Variants in PKD2L2 observed in about 807,000 individuals in gnomAD.
PKD2L2 encodes the protein polycystin 2 like 2, transient receptor potential cation channel, also known as polycystin-2-like protein 2.
Under a neutral mutation model 83.9 loss-of-function variants are expected in PKD2L2, and 67 were observed. The ratio of observed to expected loss-of-function variants is 0.80; its 90% CI spans 0.66 to 0.98. The LOEUF is 0.98. Among genes scored for constraint, PKD2L2 ranks in the 50% least tolerant of loss-of-function variants. The probability of loss-of-function intolerance (pLI) is 0.00; values close to 1 mark genes in which losing one functional copy is unlikely to be tolerated. For missense variants in PKD2L2, 632 were observed against 717.2 expected (o/e 0.88, Z 1.36); for synonymous variants, 223 against 237.8 (o/e 0.94, Z 0.57).
chr5:137,913,332 T>C (rs528071379), intron 8 of PKD2L2, among the ~76,000 whole-genome samples: 29 of 150,762 alleles, frequency 1.9e-4, no homozygotes, highest in African/African-American at 6.6e-4. Context: ...TACAGGTGCA[T>C]GCCACCACAC....
At chr5:137,899,764 A>T in intron 5 of PKD2L2, 27 bp downstream of exon 5, 1 of 1,364,452 alleles carries the variant, frequency 7.3e-7, no homozygotes, top group Non-Finnish European at 1.0e-6. Context: ...TTTTTTTCAT[A>T]GACAGTGGTC....
intron 8 of PKD2L2, among the ~76,000 whole-genome samples, chr5:137,915,316 G>C (rs1758225315): frequency 6.6e-6 from 1 of 152,122 alleles, no homozygotes; most frequent in South Asian, 2.1e-4. Context: ...TTGAAGATTG[G>C]CATTAATTCT....
chr5:137,942,682 G>T lies in PKD2L2; in HGVS notation c.*316G>T. ...CTGGCTAGATTTTTTTTTAATTTTT[G>T]AAATACAGTAATGTTTTATTTAAAA... is the stretch of plus-strand genomic sequence containing the variant. On this transcript the variant is annotated 3_prime_UTR_variant, in exon 15 of 15. Transcript: ENST00000508883. 1.8e-6 allele frequency: 1 copy of T among 554,002 alleles called. No homozygotes were observed. The highest frequency in any genetic ancestry group is 3.0e-6 in the Non-Finnish European group (1 of 331,894). The allele number at this position is 554,002 out of a possible 1,614,324, so 34.3% of individuals were successfully genotyped here.
intron 8 of PKD2L2, among the ~76,000 whole-genome samples, chr5:137,916,662 T>A (rs556212706): frequency 6.6e-6 from 1 of 151,962 alleles, no homozygotes; most frequent in African/African-American, 2.4e-5. Context: ...GTATTTTTAG[T>A]AGAGGCGGGG....
Position 137,921,631 on chromosome 5 carries a change from T to TA in PKD2L2, c.1329-2dup. ...TATATTTTCTACTGTTTTTCTTTCT[T>TA]AAAGATTTGCACAATTTCGAATTGT... On this transcript the variant is annotated splice_polypyrimidine_tract_variant and splice_region_variant and intron_variant, in intron 8 of 14. Coordinates refer to ENST00000508883, the MANE Select transcript of PKD2L2 (RefSeq NM_001300921.2). 1 of 1,569,330 alleles carries TA rather than the reference T, an allele frequency of 6.4e-7. No homozygotes were observed. Among genetic ancestry groups the TA allele is most frequent in the Non-Finnish European group, 8.7e-7 (1 of 1,148,440 alleles).
intron 8 of PKD2L2, among the ~76,000 whole-genome samples, chr5:137,920,275 G>A (rs766044504): frequency 2.0e-5 from 3 of 152,026 alleles, no homozygotes; most frequent in African/African-American, 7.2e-5. Context: ...TTCCTGATAC[G>A]TCCAGTGAGA....
intron 5 of PKD2L2, among the ~76,000 whole-genome samples, chr5:137,903,476 T>G (rs933678590): frequency 6.6e-6 from 1 of 152,190 alleles, no homozygotes; most frequent in Non-Finnish European, 1.5e-5. Flanking sequence ...CATTGAAATT[T>G]AAATTGTTCA....
At chr5:137,927,622 T>C (rs1406617603) in intron 12 of PKD2L2, among the ~76,000 whole-genome samples, 2 of 152,240 alleles carry the variant, frequency 1.3e-5, no homozygotes, top group African/African-American at 4.8e-5. Context: ...TAAAAGAGGA[T>C]GTCCTTGTAT....
chr5:137,910,061 A>C (rs1286740357), intron 8 of PKD2L2, among the ~76,000 whole-genome samples: 1 of 151,854 alleles, frequency 6.6e-6, no homozygotes, highest in African/African-American at 2.4e-5. Flanking sequence ...CGTTTCTACA[A>C]AAAAACAAAA....
intron 12 of PKD2L2, among the ~76,000 whole-genome samples, chr5:137,929,909 T>G (rs1373157514): frequency 6.6e-6 from 1 of 152,138 alleles, no homozygotes; most frequent in East Asian, 1.9e-4. Flanking sequence ...CACAACTGAA[T>G]ATAAATCAAA....
At chr5:137,921,472 A>C (rs918216267) in intron 8 of PKD2L2, among the ~76,000 whole-genome samples, 164 bp from the exon 9 acceptor site, 1 of 152,102 alleles carries the variant, frequency 6.6e-6, no homozygotes, top group Admixed American at 6.6e-5. Context: ...CCTTTAGGGG[A>C]ATTTTCTACA....
At chr5:137,929,066 A>G (rs1459541338) in intron 12 of PKD2L2, among the ~76,000 whole-genome samples, 1 of 152,194 alleles carries the variant, frequency 6.6e-6, no homozygotes, top group Non-Finnish European at 1.5e-5. Flanking sequence ...ATAATTGGGT[A>G]GTAGAGGAGA....
At chr5:137,906,123 A>G in intron 5 of PKD2L2, 83 bp from the exon 6 acceptor site, 1 of 784,612 alleles carries the variant, frequency 1.3e-6, no homozygotes, top group South Asian at 1.7e-5. Context: ...AGCATACATA[A>G]TCATTGATTG....
intron 8 of PKD2L2, among the ~76,000 whole-genome samples, chr5:137,913,492 T>A (rs1758041471): frequency 8.8e-6 from 1 of 113,776 alleles, no homozygotes; most frequent in African/African-American, 3.2e-5. Flanking sequence ...CCATGGCTAA[T>A]TTTTTTTTTT....
chr5:137,919,740 G>A (rs1406398250), intron 8 of PKD2L2, among the ~76,000 whole-genome samples: 3 of 152,174 alleles, frequency 2.0e-5, no homozygotes, highest in Non-Finnish European at 4.4e-5. Context: ...GCTAGGTACC[G>A]TGGATGGAAT....
chr5:137,897,993 G>T (rs1394222847), intron 4 of PKD2L2, among the ~76,000 whole-genome samples: 1 of 149,760 alleles, frequency 6.7e-6, no homozygotes, highest in African/African-American at 2.5e-5. Context: ...TTGAGACAGA[G>T]TCTCACTCTG....
At chr5:137,933,468 AGAT>A (rs1242256496) in intron 12 of PKD2L2, among the ~76,000 whole-genome samples, 2 of 152,216 alleles carry the variant, frequency 1.3e-5, no homozygotes, top group African/African-American at 4.8e-5. Context: ...AGTATTCCTT[AGAT>A]AAAGGAGAAA....
intron 8 of PKD2L2, among the ~76,000 whole-genome samples, chr5:137,915,500 G>A (rs1266359116): frequency 6.6e-6 from 1 of 151,958 alleles, no homozygotes; most frequent in African/African-American, 2.4e-5. Context: ...TCAGCTCACT[G>A]CAACCTCTGC....
chr5:137,931,597 A>G lies in PKD2L2; in HGVS notation c.1672-4200A>G, dbSNP rs562644706. 2.6e-5 allele frequency among the ~76,000 whole-genome samples: 4 copies of G among 152,350 alleles called. 1 individual carries two copies. In the South Asian group the frequency reaches 8.3e-4, roughly 32 times the overall value. On this transcript the variant is annotated intron_variant, in intron 12 of 14. Coordinates refer to ENST00000508883, the MANE Select transcript of PKD2L2 (RefSeq NM_001300921.2). ...AAAACTGCATGATCATTTTCCACAA[A>G]TGCTGGGTATTTTATAAGTTTCAAC...
Sources: allele counts gnomAD v4.1 joint callset (sites outside exome capture counted in the v4.1 genomes callset), GRCh38; gene constraint gnomAD v4.1.1; transcripts MANE v1.5; gene names NCBI Gene and HGNC (gene_info 2026-07-23, HGNC 2026-07-21).